CPQ: variants seen among roughly 807,000 people sequenced by gnomAD.
CPQ encodes Ser-Met dipeptidase.
A neutral mutation model predicts 45.7 loss-of-function variants in CPQ; 37 were observed. The observed-to-expected ratio is 0.81, with a 90% CI of 0.62 to 1.07. The LOEUF is 1.07. CPQ is among the 50% of genes least tolerant of loss of function. CPQ has a pLI of 0.00. For missense variants in CPQ, 537 were observed against 572.9 expected (o/e 0.94, Z 0.64); for synonymous variants, 186 against 205.8 (o/e 0.90, Z 0.82).
chr8:96,945,100 GA>G (rs1340943915), intron 4 of CPQ, among the ~76,000 whole-genome samples: 1 of 152,128 alleles, frequency 6.6e-6, no homozygotes, highest in African/African-American at 2.4e-5. Context: ...CCCCTAGGAA[GA>G]AAAGAGCTCT....
At chr8:97,061,168 T>C (rs906146895) in intron 6 of CPQ, among the ~76,000 whole-genome samples, 1 of 152,170 alleles carries the variant, frequency 6.6e-6, no homozygotes, top group Non-Finnish European at 1.5e-5. Flanking sequence ...TTTACTGATA[T>C]CTACACATCC....
chr8:96,906,241 C>T (rs1812574860), intron 4 of CPQ, among the ~76,000 whole-genome samples: 1 of 152,178 alleles, frequency 6.6e-6, no homozygotes, highest in South Asian at 2.1e-4. Flanking sequence ...ATTAACTCCT[C>T]TCAGCCTTAG....
chr8:96,886,688 G>A (rs1812311105), intron 4 of CPQ, among the ~76,000 whole-genome samples: 1 of 152,106 alleles, frequency 6.6e-6, no homozygotes, highest in Admixed American at 6.5e-5. Flanking sequence ...CTAGATTTCT[G>A]GACTCCCATT....
At chr8:96,989,406 G>GGGAGGGGAGGGGACAGGAGC (rs1809047433) in intron 5 of CPQ, among the ~76,000 whole-genome samples, 1 of 146,952 alleles carries the variant, frequency 6.8e-6, no homozygotes, top group Admixed American at 6.8e-5. Context: ...GGAAGGAGAG[G>GGGAGGGGAGGGGACAGGAGC]GGAGGGGAGG....
intron 4 of CPQ, among the ~76,000 whole-genome samples, chr8:96,959,904 A>C (rs954779074): frequency 2.6e-5 from 4 of 151,752 alleles, no homozygotes; most frequent in Non-Finnish European, 4.4e-5. Context: ...AAAAAAAAAA[A>C]AAAAAACCAA....
chr8:96,927,167 A>G (rs1812903697), intron 4 of CPQ, among the ~76,000 whole-genome samples: 1 of 152,232 alleles, frequency 6.6e-6, no homozygotes, highest in African/African-American at 2.4e-5. Flanking sequence ...GCAGAGGGCA[A>G]TGCCCTGTGT....
intron 1 of CPQ, among the ~76,000 whole-genome samples, chr8:96,762,731 A>T (rs1174893677): frequency 6.6e-6 from 1 of 152,052 alleles, no homozygotes; most frequent in Non-Finnish European, 1.5e-5. Context: ...CAATTTATTA[A>T]TTTTTCCCTC....
chr8:97,127,226 C>A (rs1322008836), intron 7 of CPQ, among the ~76,000 whole-genome samples: 1 of 152,036 alleles, frequency 6.6e-6, no homozygotes, highest in African/African-American at 2.4e-5. Flanking sequence ...GAAAGGCAAG[C>A]CACAGAGGAG....
intron 1 of CPQ, among the ~76,000 whole-genome samples, chr8:96,776,029 A>G (rs1044785242): frequency 6.6e-6 from 1 of 152,196 alleles, no homozygotes; most frequent in African/African-American, 2.4e-5. Flanking sequence ...GGTTTTCCTT[A>G]TGTTTGTATC....
rs181008673 is a variant in CPQ, at chr8:97,081,328, G to A, written c.1255+15118G>A. Among the ~76,000 whole-genome samples, 40 of 152,178 alleles carry A rather than the reference G, an allele frequency of 2.6e-4. 1 individual carries two copies. The highest frequency in any genetic ancestry group is 7.9e-4 in the Admixed American group (12 of 15,268). On this transcript the variant is annotated intron_variant, in intron 7 of 7. Coordinates refer to ENST00000220763, the MANE Select transcript of CPQ (RefSeq NM_016134.4). Reference sequence around the variant, plus strand: ...ATACCCTGATCATTGTAGTCATTTGGCTTGTGAGCTTCAGTTGCCCCCCCA... The same window carrying A: ...ATACCCTGATCATTGTAGTCATTTGACTTGTGAGCTTCAGTTGCCCCCCCA...
At chr8:96,831,435 G>T (rs1811460128) in intron 2 of CPQ, among the ~76,000 whole-genome samples, 1 of 152,142 alleles carries the variant, frequency 6.6e-6, no homozygotes, top group Non-Finnish European at 1.5e-5. Context: ...TATGACACAG[G>T]TTTTGTGTTC....
At chr8:96,883,217 G>A (rs933839790) in intron 4 of CPQ, among the ~76,000 whole-genome samples, 18 of 152,246 alleles carry the variant, frequency 1.2e-4, no homozygotes, top group African/African-American at 4.3e-4. Context: ...TGATTATTGT[G>A]TATAAAGCTT....
chr8:96,921,873 CTA>C (rs1234331940), intron 4 of CPQ, among the ~76,000 whole-genome samples: 1 of 152,050 alleles, frequency 6.6e-6, no homozygotes, highest in African/African-American at 2.4e-5. Flanking sequence ...ACAACGGTGA[CTA>C]TGTGGAAGTA....
intron 5 of CPQ, among the ~76,000 whole-genome samples, chr8:96,987,343 A>C (rs146900234): frequency 9.9e-5 from 15 of 152,248 alleles, no homozygotes; most frequent in African/African-American, 3.4e-4. Context: ...GGCCAGAGGG[A>C]AGCTTCGCTT....
Position 96,784,944 on chromosome 8 carries a change from C to A in CPQ, c.47C>A (p.Ser16Tyr), listed in dbSNP as rs772446810. The change falls in exon 2 of 8, where the codon TCC (serine) becomes TAC (tyrosine). Residue 16 changes from serine (S) to tyrosine (Y), a missense_variant. Physicochemically the swap from Ser to Tyr is moderately radical, Grantham distance 144 (BLOSUM62 -2). Coordinates refer to ENST00000220763, the MANE Select transcript of CPQ (RefSeq NM_016134.4). The stretch of plus-strand genomic sequence containing the variant: ...TTTTTCGGTGGTGTTCACCTTTTAT[C>A]CCTGTGCTCTGGGAAAGCTATATGC... Reference protein sequence around the residue: ...FAFFGGVHLLSLCSGKAICKN... With the variant: ...FAFFGGVHLLYLCSGKAICKN... 3.7e-6 allele frequency: 6 copies of A among 1,613,454 alleles called. No individual in the cohort carries two copies. Among genetic ancestry groups the A allele is most frequent in the Non-Finnish European group, 5.1e-6 (6 of 1,179,648 alleles).
At chr8:96,710,272 T>A (rs1018871115) in intron 1 of CPQ, among the ~76,000 whole-genome samples, 1 of 152,082 alleles carries the variant, frequency 6.6e-6, no homozygotes, top group Non-Finnish European at 1.5e-5. Context: ...TATTTGAATC[T>A]TCTCTCTTCT....
rs1312740447 is a variant in CPQ, at chr8:96,703,882, A to G, written c.-35+58480A>G. Among the ~76,000 whole-genome samples the G allele has an allele frequency of 2.0e-5, 3 of 152,160 alleles. No homozygotes were observed. The East Asian group carries it at 5.8e-4, about 29-fold the overall frequency. ...ATTATGTATGCCTAGGGACCATGGA[A>G]GTGAAGTTTTGTTTCATTTATTCAT... On this transcript the variant is annotated intron_variant, in intron 1 of 7. Coordinates refer to ENST00000220763, the MANE Select transcript of CPQ (RefSeq NM_016134.4).
intron 4 of CPQ, among the ~76,000 whole-genome samples, chr8:96,965,588 C>G (rs1440946908): frequency 1.3e-5 from 2 of 152,066 alleles, no homozygotes; most frequent in African/African-American, 4.8e-5. Flanking sequence ...CCAGGATGGT[C>G]TTGATCTCCT....
intron 1 of CPQ, among the ~76,000 whole-genome samples, chr8:96,670,677 A>G (rs1430671580): frequency 1.3e-5 from 2 of 152,210 alleles, no homozygotes; most frequent in Admixed American, 6.5e-5. Flanking sequence ...TATCCATACT[A>G]TGGAATACTA....
Sources: gnomAD v4.1 joint callset for allele counts (sites outside exome capture counted in the v4.1 genomes callset) on GRCh38, gnomAD v4.1.1 for gene constraint, MANE v1.5 for transcripts, NCBI Gene and HGNC (gene_info 2026-07-23, HGNC 2026-07-21) for gene names.